Variants in PBX1 observed in about 807,000 individuals in gnomAD.
The protein encoded by PBX1 is pre-B-cell leukemia transcription factor 1.
Under a neutral mutation model 53.4 loss-of-function variants are expected in PBX1, and 6 were observed. That is an observed-to-expected ratio of 0.11 (90% CI 0.06 to 0.22). PBX1 has a LOEUF of 0.22. Among genes scored for constraint, PBX1 ranks in the 10% least tolerant of loss-of-function variants. PBX1 has a pLI of 1.00. For synonymous variants in PBX1, 204 were observed against 212.3 expected (o/e 0.96, Z 0.34); for missense variants, 251 against 551.4 (o/e 0.46, Z 5.46).
At chr1:164,575,035 A>G (rs1014462299) in intron 2 of PBX1, among the ~76,000 whole-genome samples, 3 of 152,186 alleles carry the variant, frequency 2.0e-5, no homozygotes, top group African/African-American at 7.2e-5. Context: ...TTGGAGGCCA[A>G]TCCCAGTTTA....
rs1662963936 is a variant in PBX1 at position 164,699,239 on chromosome 1, A to C, written c.266-93255A>C. Among the ~76,000 whole-genome samples the C allele has an allele frequency of 3.3e-5, 5 of 152,340 alleles. No homozygotes were observed. The South Asian group carries it at 1.0e-3, about 32-fold the overall frequency. ...TATTTTTTAAAAGAAGCTAGATGGA[A>C]ATATAACATGTTTTAGAAGATTACT... On this transcript the variant is annotated intron_variant, in intron 2 of 8. Coordinates refer to ENST00000420696, the MANE Select transcript of PBX1 (RefSeq NM_002585.4).
chr1:164,580,033 C>T (rs979579959), intron 2 of PBX1, among the ~76,000 whole-genome samples: 4 of 151,556 alleles, frequency 2.6e-5, no homozygotes, highest in Admixed American at 2.0e-4. Context: ...TATTCATTCC[C>T]ATTGAGTGAC....
At position 164,850,110 on chromosome 1, in the gene PBX1, CAT is replaced by C. The variant is rs1479763227; in HGVS notation, c.*3436_*3437del. 4 of 227,490 alleles carry C rather than the reference CAT, an allele frequency of 1.8e-5. No homozygotes were observed. The highest frequency in any genetic ancestry group is 8.9e-5 in the African/African-American group (4 of 45,034). The allele number at this position is 227,490 out of a possible 1,614,324, so 14.1% of individuals were successfully genotyped here. A position where few individuals can be genotyped will look rare whatever the true frequency, so the allele number is the denominator to read the frequency against. ...TAATAAAAATTTTAAAAATGACCCT[CAT>C]AGCACGCAAAACAGGATGGGGAATT... On this transcript the variant is annotated 3_prime_UTR_variant, in exon 9 of 9. Transcript: ENST00000420696.
At chr1:164,656,424 CTTA>C (rs985975843) in intron 2 of PBX1, among the ~76,000 whole-genome samples, 1 of 152,102 alleles carries the variant, frequency 6.6e-6, no homozygotes, top group Admixed American at 6.5e-5. Flanking sequence ...CTGCATTCTT[CTTA>C]TTAATTTAAT....
intron 2 of PBX1, among the ~76,000 whole-genome samples, chr1:164,713,465 A>G (rs1663913411): frequency 6.6e-6 from 1 of 152,152 alleles, no homozygotes; most frequent in Admixed American, 6.5e-5. Context: ...GGAGTCTTGT[A>G]TTTTCTCCAC....
intron 2 of PBX1, among the ~76,000 whole-genome samples, chr1:164,729,879 C>A (rs4656420): frequency 0.4 from 60,691 of 152,050 alleles, 12,892 homozygotes; most frequent in South Asian, 0.71. Flanking sequence ...AATATTTCCT[C>A]TGCATCAGGC....
chr1:164,614,634 G>A (rs1657148443), intron 2 of PBX1, among the ~76,000 whole-genome samples: 1 of 152,160 alleles, frequency 6.6e-6, no homozygotes, highest in South Asian at 2.1e-4. Flanking sequence ...AAATATGGAA[G>A]CAGATCATAA....
At chr1:164,725,912 G>C (rs1571294464) in intron 2 of PBX1, among the ~76,000 whole-genome samples, 1 of 152,072 alleles carries the variant, frequency 6.6e-6, no homozygotes, top group East Asian at 1.9e-4. Flanking sequence ...TTTTTCAGTT[G>C]GTACATGGAG....
At chr1:164,566,325 AT>A (rs1653431386) in intron 2 of PBX1, among the ~76,000 whole-genome samples, 1 of 152,134 alleles carries the variant, frequency 6.6e-6, no homozygotes, top group African/African-American at 2.4e-5. Flanking sequence ...ATTCTGATAC[AT>A]TTTCGCTTTT....
At chr1:164,632,340 T>C (rs369598221) in intron 2 of PBX1, among the ~76,000 whole-genome samples, 3 of 152,162 alleles carry the variant, frequency 2.0e-5, no homozygotes, top group African/African-American at 4.8e-5. Flanking sequence ...TTTCTTCTTA[T>C]GGTGCTGCCC....
chr1:164,734,356 C>T (rs1435618368), intron 2 of PBX1, among the ~76,000 whole-genome samples: 1 of 152,148 alleles, frequency 6.6e-6, no homozygotes, highest in Non-Finnish European at 1.5e-5. Flanking sequence ...AATATAAAAA[C>T]TACAATACTA....
At chr1:164,675,873 G>T (rs116033275) in intron 2 of PBX1, among the ~76,000 whole-genome samples, 67 of 152,236 alleles carry the variant, frequency 4.4e-4, no homozygotes, top group African/African-American at 1.6e-3. Flanking sequence ...TTTTGTGCAT[G>T]CCCGTGTTCT....
intron 2 of PBX1, among the ~76,000 whole-genome samples, chr1:164,874,501 T>C (rs1672458962): frequency 6.6e-6 from 1 of 152,178 alleles, no homozygotes; most frequent in African/African-American, 2.4e-5. Context: ...TTCTTTCTTT[T>C]TGTTTGTTTT....
At chr1:164,829,172 C>G (rs1365188114) in intron 8 of PBX1, 6 of 152,174 alleles carry the variant, frequency 3.9e-5, no homozygotes, top group Admixed American at 3.9e-4. Flanking sequence ...GTTCAGTTAT[C>G]TGATTCTCTG....
intron 2 of PBX1, among the ~76,000 whole-genome samples, chr1:164,877,252 G>A (rs1672534605): frequency 6.7e-6 from 1 of 150,082 alleles, no homozygotes; most frequent in Non-Finnish European, 1.5e-5. Context: ...GCCCAGTGAT[G>A]GGCAAAAAAA....
intron 2 of PBX1, among the ~76,000 whole-genome samples, chr1:164,861,700 G>C (rs1672102333): frequency 6.6e-6 from 1 of 152,030 alleles, no homozygotes; most frequent in Non-Finnish European, 1.5e-5. Context: ...TAGAAGTTCT[G>C]GAGTAAATCA....
chr1:164,784,669 T>C (rs1668090106), intron 2 of PBX1, among the ~76,000 whole-genome samples: 1 of 152,210 alleles, frequency 6.6e-6, no homozygotes, highest in Non-Finnish European at 1.5e-5. Flanking sequence ...TGGCTAAATG[T>C]GAAAAACGAG....
intron 2 of PBX1, among the ~76,000 whole-genome samples, chr1:164,644,863 C>G (rs1026419408): frequency 8.5e-5 from 13 of 152,148 alleles, no homozygotes; most frequent in African/African-American, 3.1e-4. Context: ...CAGTTGGGCT[C>G]TCCGTCTGGC....
chr1:164,655,011 A>T (rs183926816), intron 2 of PBX1, among the ~76,000 whole-genome samples: 1 of 151,862 alleles, frequency 6.6e-6, no homozygotes, highest in African/African-American at 2.4e-5. Flanking sequence ...GCTGGATTGG[A>T]TAACTCAGGG....
Sources: allele counts gnomAD v4.1 joint callset (sites outside exome capture counted in the v4.1 genomes callset), GRCh38; gene constraint gnomAD v4.1.1; transcripts MANE v1.5; gene names NCBI Gene and HGNC (gene_info 2026-07-23, HGNC 2026-07-21).